The following SYNE1 variants were observed in gnomAD, a reference collection of about 807,000 sequenced individuals.
The protein encoded by SYNE1 is spectrin repeat containing nuclear envelope protein 1.
A neutral mutation model predicts 1,111.0 loss-of-function variants in SYNE1; 616 were observed. The ratio of observed to expected loss-of-function variants is 0.55; its 90% confidence interval spans 0.52 to 0.59. SYNE1 has a LOEUF of 0.59. SYNE1 is among the 20% of genes least tolerant of loss of function. The pLI is 0.00. For synonymous variants in SYNE1, 3,855 were observed against 3,825.8 expected (o/e 1.01, Z -0.28); for missense variants, 10,006 against 10,417.0 (o/e 0.96, Z 1.72).
At chr6:152,626,334 C>A (rs2099685702) in intron 3 of SYNE1, among the ~76,000 whole-genome samples, 1 of 152,176 alleles carries the variant, frequency 6.6e-6, no homozygotes, top group African/African-American at 2.4e-5. Flanking sequence ...AAAGGAAAAT[C>A]TGCTTTACTA....
chr6:152,353,785 C>T lies in SYNE1; in HGVS notation c.10927-41G>A, dbSNP rs757842200. 45 of 1,610,972 alleles carry T rather than the reference C, an allele frequency of 2.8e-5. No individual in the cohort carries two copies. In the South Asian group the frequency reaches 4.6e-4, roughly 17 times the overall value. On this transcript the variant is annotated intron_variant, in intron 67 of 145. Transcript: ENST00000367255. ...ATCGAAGGGAAAGATTCAATCTTAGCCATTCGAATAAGCCAAATGTATATC... is the reference window on the plus strand; with the variant it reads ...ATCGAAGGGAAAGATTCAATCTTAGTCATTCGAATAAGCCAAATGTATATC...
At chr6:152,373,911 G>A (rs552278138) in intron 58 of SYNE1, among the ~76,000 whole-genome samples, 57 of 152,290 alleles carry the variant, frequency 3.7e-4, no homozygotes, top group African/African-American at 1.2e-3. Context: ...CCTAGCTGCC[G>A]AAGTGAAAGA....
chr6:152,208,160 C>T lies in SYNE1; in HGVS notation c.22636G>A (p.Gly7546Arg), dbSNP rs2153409656. ...KLTLLSNQWQGVIRRAQQRRG... is the reference protein window; with the variant it reads ...KLTLLSNQWQRVIRRAQQRRG... The stretch of plus-strand genomic sequence containing the variant: ...CTCTGCTGGGCCCTGCGAATCACTC[C>T]CTGCCATTGATTACTGAGGAGTGTC... Residue 7546 changes from glycine to arginine, a missense_variant, in exon 125 of 146, where the codon GGA becomes AGA. Transcript: ENST00000367255. 6.2e-7 allele frequency: 1 copy of T among 1,614,082 alleles called. No homozygotes were observed. Among genetic ancestry groups the T allele is most frequent in the Non-Finnish European group, 8.5e-7 (1 of 1,180,016 alleles).
chr6:152,167,181 T>A (rs1320455768), intron 130 of SYNE1, among the ~76,000 whole-genome samples: 2 of 152,196 alleles, frequency 1.3e-5, no homozygotes, highest in Admixed American at 6.5e-5. Flanking sequence ...TTGAAAAGGA[T>A]TCTACTATGA....
At position 152,122,519 on chromosome 6, in the gene SYNE1, C is replaced by A. The variant is rs1182754638; in HGVS notation, c.26311G>T (p.Asp8771Tyr). The A allele has an allele frequency of 3.1e-6, 5 of 1,614,070 alleles. No individual in the cohort carries two copies. The East Asian group carries it at 1.1e-4, about 36-fold the overall frequency. ...TTGTTGGAGAGGGCACAGCTGTAGT[C>A]TTCCTCTGACATTGGTACAAGGCAG... is the stretch of plus-strand genomic sequence containing the variant. The part of the protein sequence containing the change: ...LACLVPMSEE[D>Y]YSCALSNNFA... The change falls in exon 146 of 146, where the codon GAC becomes TAC. Residue 8771 changes from aspartate to tyrosine, a missense_variant. Physicochemically the swap from Asp to Tyr is radical, Grantham distance 160 (BLOSUM62 -3). Transcript: ENST00000367255.
chr6:152,525,387 C>CT (rs1184501804), intron 5 of SYNE1, among the ~76,000 whole-genome samples: 1 of 152,002 alleles, frequency 6.6e-6, no homozygotes, highest in Non-Finnish European at 1.5e-5. Flanking sequence ...TCCTGAATTC[C>CT]TTTTTCCAAA....
intron 95 of SYNE1, among the ~76,000 whole-genome samples, chr6:152,285,922 T>C (rs2094301063): frequency 6.6e-6 from 1 of 152,206 alleles, no homozygotes; most frequent in South Asian, 2.1e-4. Context: ...ACAGGCTCTA[T>C]CACCAGAGCG....
At chr6:152,289,491 A>G (rs566752435) in intron 95 of SYNE1, among the ~76,000 whole-genome samples, 353 of 152,296 alleles carry the variant, frequency 2.3e-3, no homozygotes, top group Non-Finnish European at 4.2e-3. Context: ...TCCAGGTTCA[A>G]GCAATTCTGC....
At chr6:152,356,379 A>G (rs1008536017) in intron 66 of SYNE1, among the ~76,000 whole-genome samples, 2 of 150,846 alleles carry the variant, frequency 1.3e-5, no homozygotes, top group African/African-American at 4.8e-5. Context: ...ATTCTATTAA[A>G]TAAATTCTCA....
chr6:152,343,206 G>T (rs1265588506), intron 74 of SYNE1, among the ~76,000 whole-genome samples: 1 of 149,138 alleles, frequency 6.7e-6, no homozygotes, highest in Non-Finnish European at 1.5e-5. Flanking sequence ...AGGCTGGAGT[G>T]CAGTGGCGCA....
At chr6:152,549,178 C>T (rs774494269) in intron 3 of SYNE1, among the ~76,000 whole-genome samples, 2 of 152,178 alleles carry the variant, frequency 1.3e-5, no homozygotes, top group Non-Finnish European at 2.9e-5. Context: ...GTGTCTGATA[C>T]CTCCTCTCTC....
At position 152,449,589 on chromosome 6, in the gene SYNE1, T is replaced by C. The variant is rs1406453056; in HGVS notation, c.3448A>G (p.Ile1150Val). The change falls in exon 28 of 146, where the codon ATC becomes GTC. Residue 1150 changes from isoleucine to valine, a missense_variant. Transcript: ENST00000367255. ...ISTNETQLKG[I>V]KGEAIDTANH... Reference sequence around the variant, plus strand: ...GCAGTATCGATGGCCTCACCCTTGATCCCCTTTAATTGTGTCTCATTTGTA... The same window carrying C: ...GCAGTATCGATGGCCTCACCCTTGACCCCCTTTAATTGTGTCTCATTTGTA... 6.2e-7 allele frequency: 1 copy of C among 1,614,110 alleles called. No individual in the cohort carries two copies. Among genetic ancestry groups the C allele is most frequent in the Non-Finnish European group, 8.5e-7 (1 of 1,180,010 alleles).
chr6:152,203,802 T>C (rs73780845), intron 126 of SYNE1, among the ~76,000 whole-genome samples: 8,200 of 151,946 alleles, frequency 0.054, 717 homozygotes, highest in African/African-American at 0.19. Context: ...CTTCTTAGAG[T>C]GCATAACCAC....
chr6:152,494,472 C>T (rs1183888905), intron 11 of SYNE1, among the ~76,000 whole-genome samples: 1 of 152,142 alleles, frequency 6.6e-6, no homozygotes, highest in Non-Finnish European at 1.5e-5. Context: ...GGCAGTTCCA[C>T]CAGGCCTAAT....
chr6:152,364,662 G>A (rs1368625474), intron 63 of SYNE1, among the ~76,000 whole-genome samples, 185 bp downstream of exon 63: 2 of 140,298 alleles, frequency 1.4e-5, no homozygotes, highest in African/African-American at 2.7e-5. Flanking sequence ...AAGGGAGTGA[G>A]GGAGGGAAGG....
intron 93 of SYNE1, among the ~76,000 whole-genome samples, chr6:152,300,208 T>C (rs1167712195): frequency 6.6e-6 from 1 of 152,216 alleles, no homozygotes; most frequent in Non-Finnish European, 1.5e-5. Context: ...AAGTCTGACA[T>C]AATAAATGGA....
chr6:152,440,899 T>C (rs1183154678), intron 32 of SYNE1, among the ~76,000 whole-genome samples: 1 of 152,160 alleles, frequency 6.6e-6, no homozygotes, highest in Admixed American at 6.5e-5. Context: ...TATACACATC[T>C]ATTAGGGAAC....
At chr6:152,575,961 T>A (rs2099494925) in intron 3 of SYNE1, among the ~76,000 whole-genome samples, 1 of 152,228 alleles carries the variant, frequency 6.6e-6, no homozygotes, top group Non-Finnish European at 1.5e-5. Context: ...ATTAGTAATG[T>A]TCTGGGAAAC....
At chr6:152,609,653 G>A (rs2099625717) in intron 3 of SYNE1, among the ~76,000 whole-genome samples, 1 of 152,054 alleles carries the variant, frequency 6.6e-6, no homozygotes, top group Non-Finnish European at 1.5e-5. Flanking sequence ...CTCTGAGAAA[G>A]GACAGACTGT....
Sources: gnomAD v4.1 joint callset for allele counts (sites outside exome capture counted in the v4.1 genomes callset) on GRCh38, gnomAD v4.1.1 for gene constraint, MANE v1.5 for transcripts, NCBI Gene and HGNC (gene_info 2026-07-23, HGNC 2026-07-21) for gene names.